Variants in CAMKK2 observed in about 807,000 individuals in gnomAD.
CAMKK2 encodes the protein calcium/calmodulin dependent protein kinase kinase 2.
CAMKK2 carries 30 observed loss-of-function variants against 67.2 expected under a neutral mutation model. The observed-to-expected ratio is 0.45, with a 90% CI of 0.33 to 0.61. CAMKK2 has a LOEUF of 0.61. Among genes scored for constraint, CAMKK2 ranks in the 20% least tolerant of loss-of-function variants. The pLI, the probability that CAMKK2 is intolerant of heterozygous loss-of-function variation, is 0.02. For missense variants in CAMKK2, 643 were observed against 802.0 expected, an observed-to-expected ratio of 0.80 and a Z score of 2.39; for synonymous variants, 322 against 326.2, an observed-to-expected ratio of 0.99 and a Z score of 0.14.
At chr12:121,291,024 T>G (rs1165854990) in intron 1 of CAMKK2, among the ~76,000 whole-genome samples, 1 of 152,174 alleles carries the variant, frequency 6.6e-6, no homozygotes, top group Non-Finnish European at 1.5e-5. Flanking sequence ...TTCACCACGT[T>G]GGCCAGACTG....
At chr12:121,246,988 C>T (rs1889609257) in intron 14 of CAMKK2, among the ~76,000 whole-genome samples, 1 of 152,156 alleles carries the variant, frequency 6.6e-6, no homozygotes, top group Non-Finnish European at 1.5e-5. Flanking sequence ...CAGTATCTAC[C>T]CGCCCATCCC....
intron 6 of CAMKK2, among the ~76,000 whole-genome samples, chr12:121,260,952 CAAAA>C (rs1056645998): frequency 2.2e-5 from 2 of 92,010 alleles, no homozygotes; most frequent in Admixed American, 1.3e-4. Flanking sequence ...GACTCTGTCT[CAAAA>C]AAAAAAAAAA....
rs537080430 is a variant in CAMKK2, at chr12:121,258,840, CA to C, written c.796+1478del. ...CTTCCATCACTCTCAGAGTCAAAGC[CA>C]ATTTTTTTTTTTTTTTTTTTTGAGA... On this transcript the variant is annotated intron_variant, in intron 7 of 16. Transcript: ENST00000404169. Among the ~76,000 whole-genome samples, 119 of 146,580 alleles carry C rather than the reference CA, an allele frequency of 8.1e-4. 2 individuals are homozygous for C. The South Asian group carries it at 0.026, about 32-fold the overall frequency.
upstream of CAMKK2, chr12:121,297,478 A>C (rs1238479042): frequency 1.2e-5 from 5 of 411,644 alleles, no homozygotes; most frequent in Non-Finnish European, 2.5e-5. Context: ...CCAGATGGCT[A>C]CTTAGATGCT....
intron 7 of CAMKK2, among the ~76,000 whole-genome samples, chr12:121,259,363 G>A (rs1892990833): frequency 1.3e-5 from 2 of 152,148 alleles, no homozygotes; most frequent in Admixed American, 1.3e-4. Context: ...CCAAGGACAG[G>A]GGTTTTTGAA....
intron 7 of CAMKK2, among the ~76,000 whole-genome samples, chr12:121,257,021 T>TTA (rs1555252225): frequency 1.3e-5 from 2 of 148,224 alleles, no homozygotes; most frequent in African/African-American, 5.0e-5. Context: ...TTTAGGAAGT[T>TTA]AAAAAAAAAA....
chr12:121,242,205 C>T (rs1346075655), intron 16 of CAMKK2, among the ~76,000 whole-genome samples: 1 of 151,910 alleles, frequency 6.6e-6, no homozygotes, highest in Non-Finnish European at 1.5e-5. Flanking sequence ...CATGGTGGCA[C>T]ATGTCTGTAA....
chr12:121,266,086 C>T (rs1318170288), intron 5 of CAMKK2, among the ~76,000 whole-genome samples: 1 of 152,174 alleles, frequency 6.6e-6, no homozygotes, highest in Non-Finnish European at 1.5e-5. Context: ...TGCACACCAC[C>T]ATGCCCAGCT....
In CAMKK2 at chr12:121,253,415, T is replaced by C; in HGVS notation, c.965A>G (p.Glu322Gly). The C allele has an allele frequency of 1.2e-6, 2 of 1,614,056 alleles. No homozygotes were observed. Among genetic ancestry groups the C allele is most frequent in the Non-Finnish European group, 1.7e-6 (2 of 1,179,988 alleles). ...GTCAGCGATCTTGATGTGCCCATCT[T>C]CTCCGACCAGGAGGTTGGAAGGTTT... ...DIKPSNLLVGEDGHIKIADFG... is the reference protein window; with the variant it reads ...DIKPSNLLVGGDGHIKIADFG... The change falls in exon 10 of 17, where the codon GAA becomes GGA. Residue 322 changes from glutamate to glycine, a missense_variant. Coordinates refer to ENST00000404169, the MANE Select transcript of CAMKK2 (RefSeq NM_001270485.2). The surrounding 1 kb of genome is among the most constrained non-coding windows in gnomAD (Gnocchi z 5.0).
chr12:121,265,157 C>T (rs531789777), intron 5 of CAMKK2, among the ~76,000 whole-genome samples: 1 of 152,054 alleles, frequency 6.6e-6, no homozygotes. Context: ...CAGTGAAAAC[C>T]CTCACGATGG....
At chr12:121,297,511 T>C (rs199831133), upstream of CAMKK2, 3 of 469,692 alleles carry the variant, frequency 6.4e-6, no homozygotes, top group South Asian at 1.5e-5. Flanking sequence ...CAGCATATTC[T>C]TCCCATTCTC....
At chr12:121,249,064 C>T (rs928470470) in intron 13 of CAMKK2, among the ~76,000 whole-genome samples, 5 of 152,242 alleles carry the variant, frequency 3.3e-5, no homozygotes, top group East Asian at 1.9e-4. Flanking sequence ...ATCCCTGACA[C>T]CTGGGAGGCT....
At chr12:121,276,240 G>C (rs7977189) in intron 1 of CAMKK2, among the ~76,000 whole-genome samples, 1,853 of 151,228 alleles carry the variant, frequency 0.012, 35 homozygotes, top group African/African-American at 0.042. Flanking sequence ...GGCCAAGGCA[G>C]GTGGATCACC....
chr12:121,283,721 G>C (rs182377481), intron 1 of CAMKK2, among the ~76,000 whole-genome samples: 1 of 152,132 alleles, frequency 6.6e-6, no homozygotes, highest in Non-Finnish European at 1.5e-5. Flanking sequence ...AGGCTGAGGC[G>C]GGAGGATGGC....
intron 2 of CAMKK2, 132 bp downstream of exon 2, chr12:121,273,924 T>C (rs1896263016): frequency 4.3e-6 from 3 of 702,114 alleles, no homozygotes; most frequent in South Asian, 5.8e-5. Context: ...CAAGGTTCCC[T>C]GGAGTCAACT....
intron 14 of CAMKK2, among the ~76,000 whole-genome samples, chr12:121,246,983 T>C (rs1369621668): frequency 3.3e-5 from 5 of 152,110 alleles, no homozygotes; most frequent in Non-Finnish European, 7.4e-5. Flanking sequence ...CTTCCCAGTA[T>C]CTACCCGCCC....
In CAMKK2 at chr12:121,253,140, T is replaced by C. The variant is rs1266293800; in HGVS notation, c.1107+133A>G. On this transcript the variant is annotated intron_variant, in intron 10 of 16. Coordinates refer to ENST00000404169, the MANE Select transcript of CAMKK2 (RefSeq NM_001270485.2). This position sits in a 1 kb window ranked among gnomAD's most constrained non-coding sequence, Gnocchi z 5.0. ...TTGAGTCCCTGGATCTAGCCAAGCC[T>C]GAAGCCTACCCCTCAGTATCTTGAT... The C allele has an allele frequency of 5.3e-6, 4 of 755,852 alleles. No individual in the cohort carries two copies. In the East Asian group the frequency reaches 8.1e-5, roughly 15 times the overall value. The allele number at this position is 755,852 out of a possible 1,614,324, so 46.8% of individuals were successfully genotyped here. A position where few individuals can be genotyped will look rare whatever the true frequency, so the allele number is the denominator to read the frequency against.
In CAMKK2 at chr12:121,255,495, C is replaced by T. The variant is rs181116699; in HGVS notation, c.907+55G>A. On this transcript the variant is annotated intron_variant, in intron 9 of 16. Coordinates refer to ENST00000404169, the MANE Select transcript of CAMKK2 (RefSeq NM_001270485.2). Reference sequence around the variant, plus strand: ...TAAGACACTTTCCACTTTGCACCCACGCTCAGAATGCTAACTACCCACTGG... The same window carrying T: ...TAAGACACTTTCCACTTTGCACCCATGCTCAGAATGCTAACTACCCACTGG... 111 of 1,452,598 alleles carry T rather than the reference C, an allele frequency of 7.6e-5. 1 individual carries two copies. The African/African-American group carries it at 8.6e-4, about 11-fold the overall frequency. The allele number at this position is 1,452,598 out of a possible 1,614,324, so 90.0% of individuals were successfully genotyped here. A position where few individuals can be genotyped will look rare whatever the true frequency, so the allele number is the denominator to read the frequency against.
rs1447612962 is a variant in CAMKK2 at position 121,240,573 on chromosome 12, C to T, written c.*126G>A. 3 of 1,526,290 alleles carry T rather than the reference C, an allele frequency of 2.0e-6. No individual in the cohort carries two copies. Among genetic ancestry groups the T allele is most frequent in the Middle Eastern group, 1.7e-4 (1 of 5,832 alleles). 94.5% of individuals were successfully genotyped at this position (1,526,290 alleles called of 1,614,324 possible). A position where few individuals can be genotyped will look rare whatever the true frequency, so the allele number is the denominator to read the frequency against. ...AAACAACAAAGGAAAAAACAAATAA[C>T]CAGAGATGACGATCGAGGCTCTACA... On this transcript the variant is annotated 3_prime_UTR_variant, in exon 17 of 17. Transcript: ENST00000404169. This position sits in a 1 kb window ranked among gnomAD's most constrained non-coding sequence, Gnocchi z 4.4.
Sources: gnomAD v4.1 joint callset for allele counts (sites outside exome capture counted in the v4.1 genomes callset) on GRCh38, gnomAD v4.1.1 for gene constraint, Gnocchi (gnomAD v3.1) non-coding constraint, MANE v1.5 for transcripts, NCBI Gene and HGNC (gene_info 2026-07-23, HGNC 2026-07-21) for gene names.